ILKAP: variants seen among roughly 807,000 people sequenced by gnomAD.
ILKAP encodes ILK associated serine/threonine phosphatase.
ILKAP carries 11 observed loss-of-function variants against 49.1 expected under a neutral mutation model. The ratio of observed to expected loss-of-function variants is 0.22; its 90% CI spans 0.14 to 0.37. The LOEUF (loss-of-function observed/expected upper bound fraction) is 0.37. Among genes scored for constraint, ILKAP ranks in the 10% least tolerant of loss-of-function variants. The pLI, the probability that ILKAP is intolerant of heterozygous loss-of-function variation, is 1.00. For missense variants in ILKAP, 363 were observed against 510.8 expected (o/e 0.71, Z 2.79); for synonymous variants, 186 against 192.8 (o/e 0.96, Z 0.29).
chr2:238,170,930 TGA>T lies in ILKAP; in HGVS notation c.1038+11_1038+12del. 1 of 1,589,742 alleles carries T rather than the reference TGA, an allele frequency of 6.3e-7. No individual in the cohort carries two copies. Reference sequence around the variant, plus strand: ...AATTGGGACAACCACCACCCCCGTGTGAGATTTCTCACCTCGAGACAGGACAA... The same window carrying T: ...AATTGGGACAACCACCACCCCCGTGTGATTTCTCACCTCGAGACAGGACAA... On this transcript the variant is annotated intron_variant, in intron 11 of 11. Transcript: ENST00000254654.
At chr2:238,199,774 C>T (rs1694493896) in intron 1 of ILKAP, among the ~76,000 whole-genome samples, 2 of 151,008 alleles carry the variant, frequency 1.3e-5, no homozygotes. Flanking sequence ...TTCAAATATT[C>T]TTCTTTTTTT....
At chr2:238,182,681 G>A (rs1478241328) in intron 8 of ILKAP, among the ~76,000 whole-genome samples, 2 of 152,236 alleles carry the variant, frequency 1.3e-5, no homozygotes, top group African/African-American at 4.8e-5. Flanking sequence ...GGAAGACACT[G>A]AGGCACGAAG....
chr2:238,203,529 C>A lies in ILKAP; in HGVS notation c.25G>T (p.Glu9Ter). ...GCCGGGCGCGGCGAGCGCTCGGGCT[C>A]CGGCAGGTCCCCGAAGAGGTCCATG... Reference protein sequence around the residue: MDLFGDLPEPERSPRPAAG... With the variant: MDLFGDLP The change falls in exon 1 of 12, where the codon GAG becomes TAG. Residue 9 changes from glutamate (E) to a stop codon, truncating the protein, a stop_gained. Coordinates refer to ENST00000254654, the MANE Select transcript of ILKAP (RefSeq NM_030768.3). LOFTEE classifies it high-confidence loss of function. The A allele has an allele frequency of 8.1e-7, 1 of 1,231,916 alleles. No homozygotes were observed. The allele number at this position is 1,231,916 out of a possible 1,614,324, so 76.3% of individuals were successfully genotyped here. A position where few individuals can be genotyped will look rare whatever the true frequency, so the allele number is the denominator to read the frequency against.
intron 2 of ILKAP, 34 bp downstream of exon 2, chr2:238,194,771 T>C (rs780435744): frequency 2.7e-5 from 43 of 1,604,250 alleles, no homozygotes; most frequent in Admixed American, 8.4e-5. Context: ...AGTAGAGACG[T>C]TGACACACAC....
chr2:238,203,639 C>G lies in ILKAP; in HGVS notation c.-86G>C. Reference sequence around the variant, plus strand: ...GCTCCACACCCCGGGCGGGCGGCAGCAGCGGGCGGGCGACGGGCAGGGGCG... The same window carrying G: ...GCTCCACACCCCGGGCGGGCGGCAGGAGCGGGCGGGCGACGGGCAGGGGCG... On this transcript the variant is annotated 5_prime_UTR_variant, in exon 1 of 12. Coordinates refer to ENST00000254654, the MANE Select transcript of ILKAP (RefSeq NM_030768.3). The G allele has an allele frequency of 1.2e-6, 1 of 860,780 alleles. No individual in the cohort carries two copies. The allele number at this position is 860,780 out of a possible 1,614,324, so 53.3% of individuals were successfully genotyped here. A position where few individuals can be genotyped will look rare whatever the true frequency, so the allele number is the denominator to read the frequency against.
intron 3 of ILKAP, among the ~76,000 whole-genome samples, chr2:238,191,209 C>T (rs1014458298): frequency 1.3e-5 from 2 of 151,104 alleles, no homozygotes; most frequent in Admixed American, 6.6e-5. Flanking sequence ...AGTGCAGTGA[C>T]GCAACGTCAG....
chr2:238,200,427 T>C (rs941272125), intron 1 of ILKAP, among the ~76,000 whole-genome samples: 2 of 152,248 alleles, frequency 1.3e-5, no homozygotes, highest in Non-Finnish European at 2.9e-5. Context: ...AAAATATTAA[T>C]ACATTTGATG....
chr2:238,201,780 T>C (rs983119595), intron 1 of ILKAP, among the ~76,000 whole-genome samples: 1 of 151,392 alleles, frequency 6.6e-6, no homozygotes, highest in African/African-American at 2.4e-5. Flanking sequence ...TATATTCAGA[T>C]AGAAATTATA....
rs1283729157 is a variant in ILKAP, at chr2:238,194,854, T to C, written c.72A>G (p.Lys24=). 2.5e-6 allele frequency: 4 copies of C among 1,613,974 alleles called. No homozygotes were observed. The highest frequency in any genetic ancestry group is 2.2e-5 in the East Asian group (1 of 44,894). ...PRPAAGKEAQ[K]GPLLFDDLPP... is the part of the protein sequence containing the mutation. ...GGAGGTCATCAAAGAGCAGGGGTCC[T>C]TTCTGAGCTTCTTTCCCTAAAACAC... is the stretch of plus-strand genomic sequence containing the variant. The change falls in exon 2 of 12, where the codon AAA becomes AAG. Residue 24 remains lysine (K), a synonymous_variant. Coordinates refer to ENST00000254654, the MANE Select transcript of ILKAP (RefSeq NM_030768.3).
intron 9 of ILKAP, among the ~76,000 whole-genome samples, chr2:238,178,250 T>C (rs1253231247): frequency 6.6e-6 from 1 of 152,220 alleles, no homozygotes; most frequent in Non-Finnish European, 1.5e-5. Context: ...GGCACAATCA[T>C]AGCTCACTGT....
chr2:238,171,148 TTTTTC>T, intron 10 of ILKAP, 124 bp from the exon 11 acceptor site: 3 of 645,012 alleles, frequency 4.7e-6, no homozygotes, highest in Admixed American at 3.3e-5. Context: ...TAAGGTTTTT[TTTTTC>T]TTTTTTCTTT....
rs1480134896 is a variant in ILKAP at position 238,189,756 on chromosome 2, TA to T, written c.298+96del. 7 of 1,178,102 alleles carry T rather than the reference TA, an allele frequency of 5.9e-6. No homozygotes were observed. The East Asian group carries it at 1.2e-4, about 20-fold the overall frequency. 73.0% of individuals were successfully genotyped at this position (1,178,102 alleles called of 1,614,324 possible). A position where few individuals can be genotyped will look rare whatever the true frequency, so the allele number is the denominator to read the frequency against. Reference sequence around the variant, plus strand: ...CCTACTTATTTCTTAAATACAGACATAAAAAGAAAGTATTATTAGAAAGCTG... The same window carrying T: ...CCTACTTATTTCTTAAATACAGACATAAAAGAAAGTATTATTAGAAAGCTG... On this transcript the variant is annotated intron_variant, in intron 4 of 11. Transcript: ENST00000254654.
At chr2:238,176,784 T>C (rs1288916811) in intron 9 of ILKAP, among the ~76,000 whole-genome samples, 4 of 152,222 alleles carry the variant, frequency 2.6e-5, no homozygotes, top group Non-Finnish European at 4.4e-5. Context: ...TGCATGTCAG[T>C]AAAAGCAAGA....
chr2:238,182,204 G>A lies in ILKAP; in HGVS notation c.715-18C>T. On this transcript the variant is annotated intron_variant, in intron 8 of 11. Coordinates refer to ENST00000254654, the MANE Select transcript of ILKAP (RefSeq NM_030768.3). ...AAGATTGCCTGGGAAGATGGAGATT[G>A]TAATAGTCATGAAATTCAGTGGGCG... 1 of 1,612,426 alleles carries A rather than the reference G, an allele frequency of 6.2e-7. No homozygotes were observed. Among genetic ancestry groups the A allele is most frequent in the South Asian group, 1.1e-5 (1 of 90,996 alleles).
Position 238,170,458 on chromosome 2 carries a change from C to T in ILKAP, c.*78G>A. ...ACCATGGGAGTCCCACAGGAGTACA[C>T]AAAACACACAATGTGCACACACACA... On this transcript the variant is annotated 3_prime_UTR_variant, in exon 12 of 12. Transcript: ENST00000254654. The T allele has an allele frequency of 4.1e-6, 6 of 1,471,412 alleles. No individual in the cohort carries two copies. The highest frequency in any genetic ancestry group is 2.7e-5 in the South Asian group (2 of 74,770). The allele number at this position is 1,471,412 out of a possible 1,614,324, so 91.1% of individuals were successfully genotyped here.
intron 1 of ILKAP, among the ~76,000 whole-genome samples, chr2:238,202,976 G>A (rs1236363207): frequency 1.3e-5 from 2 of 151,802 alleles, no homozygotes; most frequent in Admixed American, 6.6e-5. Flanking sequence ...AAAACACGAA[G>A]GATTAAGATG....
At chr2:238,183,764 A>C in intron 7 of ILKAP, 24 bp from the exon 8 acceptor site, 1 of 1,561,466 alleles carries the variant, frequency 6.4e-7, no homozygotes. Flanking sequence ...CATCAGAAAC[A>C]CAGTCACCAC....
intron 3 of ILKAP, among the ~76,000 whole-genome samples, chr2:238,191,835 G>A (rs540047604): frequency 2.0e-5 from 3 of 151,826 alleles, no homozygotes; most frequent in Admixed American, 6.6e-5. Flanking sequence ...AACCCAGGAG[G>A]CGGAGGCTGC....
Position 238,170,544 on chromosome 2 carries a change from C to G in ILKAP, c.1171G>C (p.Gly391Arg). 1.2e-6 allele frequency: 2 copies of G among 1,601,806 alleles called. No homozygotes were observed. Among genetic ancestry groups the G allele is most frequent in the Admixed American group, 3.4e-5 (2 of 59,424 alleles). ...DNVTVMVVRI[G>R]H ...TGGCCGCGCGCCACCCCTCAGTGCC[C>G]TATCCGCACCACCATCACAGTGACG... Residue 391 changes from glycine to arginine, a missense_variant, in exon 12 of 12, where the codon GGG becomes CGG. Around this residue, in one of 3 missense-constraint regions of ILKAP, gnomAD observed 83 missense variants for 87.5 expected, o/e 0.95. Transcript: ENST00000254654.
Sources: allele counts gnomAD v4.1 joint callset (sites outside exome capture counted in the v4.1 genomes callset), GRCh38; gene constraint gnomAD v4.1.1; regional missense constraint gnomAD v4.1.1; transcripts MANE v1.5; gene names NCBI Gene and HGNC (gene_info 2026-07-23, HGNC 2026-07-21).